The following PDCD1LG2 variants were observed in gnomAD, a reference collection of about 807,000 sequenced individuals.
PDCD1LG2 encodes the protein B7 dendritic cell molecule.
PDCD1LG2 carries 32 observed loss-of-function variants against 28.2 expected under a neutral mutation model. The ratio of observed to expected loss-of-function variants is 1.13; its 90% CI spans 0.86 to 1.52. The LOEUF (loss-of-function observed/expected upper bound fraction) is 1.52. PDCD1LG2 is among the 40% of genes most tolerant of loss of function. PDCD1LG2 has a pLI of 0.00. For missense variants in PDCD1LG2, 385 were observed against 323.8 expected (o/e 1.19, Z -1.45); for synonymous variants, 116 against 120.2 (o/e 0.97, Z 0.23).
intron 5 of PDCD1LG2, among the ~76,000 whole-genome samples, chr9:5,562,242 T>A (rs762964720): frequency 6.6e-6 from 1 of 151,980 alleles, no homozygotes; most frequent in Non-Finnish European, 1.5e-5. Flanking sequence ...CAACCTAAGA[T>A]CCCATTGACG....
At chr9:5,516,121 G>A (rs986072349) in intron 1 of PDCD1LG2, among the ~76,000 whole-genome samples, 1 of 151,518 alleles carries the variant, frequency 6.6e-6, no homozygotes, top group Non-Finnish European at 1.5e-5. Context: ...GCGCAATCTC[G>A]GCTCACTGCA....
At position 5,524,419 on chromosome 9, in the gene PDCD1LG2, A is replaced by AT. The variant is rs536659068; in HGVS notation, c.55+1820dup. On this transcript the variant is annotated intron_variant, in intron 2 of 6. Transcript: ENST00000397747. ...TATGTGTAATGAATTATGTTGCTGA[A>AT]TTAACTGAAAGGAAAGTAAAAATGT... Among the ~76,000 whole-genome samples, 19 of 152,356 alleles carry AT rather than the reference A, an allele frequency of 1.2e-4. No individual in the cohort carries two copies. The East Asian group carries it at 3.5e-3, about 28-fold the overall frequency.
intron 4 of PDCD1LG2, among the ~76,000 whole-genome samples, chr9:5,552,980 G>C (rs1054343445): frequency 1.3e-5 from 2 of 152,122 alleles, no homozygotes; most frequent in Admixed American, 1.3e-4. Flanking sequence ...GGTGGTTCTT[G>C]TCTGTAATCC....
chr9:5,553,486 T>A (rs1334123913), intron 4 of PDCD1LG2, among the ~76,000 whole-genome samples: 1 of 152,230 alleles, frequency 6.6e-6, no homozygotes, highest in African/African-American at 2.4e-5. Flanking sequence ...GCTTCTTATA[T>A]AAGAACCTCT....
chr9:5,533,391 C>T (rs1022321628), intron 2 of PDCD1LG2, among the ~76,000 whole-genome samples: 5 of 152,094 alleles, frequency 3.3e-5, no homozygotes, highest in African/African-American at 9.7e-5. Flanking sequence ...AAGCCACATA[C>T]CCCTGTGGTA....
chr9:5,529,315 T>C (rs1820438194), intron 2 of PDCD1LG2, among the ~76,000 whole-genome samples: 1 of 152,336 alleles, frequency 6.6e-6, no homozygotes, highest in Middle Eastern at 3.4e-3. Context: ...TAATCCATTT[T>C]AATTTTTATA....
intron 2 of PDCD1LG2, among the ~76,000 whole-genome samples, chr9:5,532,868 A>G (rs1289457676): frequency 6.6e-6 from 1 of 152,226 alleles, no homozygotes; most frequent in Non-Finnish European, 1.5e-5. Context: ...GGCACTTCAC[A>G]TGTAACACCT....
intron 5 of PDCD1LG2, 38 bp from the exon 6 acceptor site, chr9:5,563,124 A>C (rs781446790): frequency 6.6e-6 from 10 of 1,509,482 alleles, no homozygotes; most frequent in Non-Finnish European, 8.3e-6. Context: ...CAGTTTTCTC[A>C]TTAATCTTAT....
chr9:5,561,968 A>T (rs889415370), intron 5 of PDCD1LG2, among the ~76,000 whole-genome samples: 4 of 152,232 alleles, frequency 2.6e-5, no homozygotes, highest in African/African-American at 9.6e-5. Flanking sequence ...GGCTCCTTTC[A>T]AATGCAAACC....
At chr9:5,535,222 A>G (rs1439770866) in intron 3 of PDCD1LG2, among the ~76,000 whole-genome samples, 172 bp downstream of exon 3, 2 of 152,228 alleles carry the variant, frequency 1.3e-5, no homozygotes, top group Non-Finnish European at 2.9e-5. Flanking sequence ...TTGACATCTG[A>G]GTACAAAGCA....
chr9:5,560,630 T>A (rs1816539730), intron 5 of PDCD1LG2, among the ~76,000 whole-genome samples: 1 of 151,428 alleles, frequency 6.6e-6, no homozygotes, highest in Admixed American at 6.6e-5. Context: ...GGCCCTCATG[T>A]TGAGCCTGGG....
At chr9:5,513,184 T>C (rs183365429) in intron 1 of PDCD1LG2, among the ~76,000 whole-genome samples, 2 of 152,378 alleles carry the variant, frequency 1.3e-5, no homozygotes, top group Admixed American at 1.3e-4. Flanking sequence ...CATTAAGCTC[T>C]TGACATTCTC....
At chr9:5,532,604 T>C (rs1820503738) in intron 2 of PDCD1LG2, among the ~76,000 whole-genome samples, 1 of 152,176 alleles carries the variant, frequency 6.6e-6, no homozygotes, top group Admixed American at 6.5e-5. Flanking sequence ...CTTCAAAGAT[T>C]TGCAGGATAG....
At chr9:5,517,232 G>A (rs1820184521) in intron 1 of PDCD1LG2, among the ~76,000 whole-genome samples, 1 of 152,220 alleles carries the variant, frequency 6.6e-6, no homozygotes, top group African/African-American at 2.4e-5. Flanking sequence ...GACAGTCTCA[G>A]GAGAAAAAAC....
chr9:5,538,574 G>A (rs542485594), intron 3 of PDCD1LG2, among the ~76,000 whole-genome samples: 2 of 152,106 alleles, frequency 1.3e-5, no homozygotes, highest in Non-Finnish European at 2.9e-5. Flanking sequence ...TGTAGTCCCA[G>A]CTACTGGGGA....
Position 5,557,643 on chromosome 9 carries a change from A to C in PDCD1LG2, c.657A>C (p.Pro219=), listed in dbSNP as rs952011034. 6.2e-7 allele frequency: 1 copy of C among 1,614,038 alleles called. No homozygotes were observed. Among genetic ancestry groups the C allele is most frequent in the Non-Finnish European group, 8.5e-7 (1 of 1,179,896 alleles). The change falls in exon 5 of 7, where the codon CCA becomes CCC. Residue 219 remains proline (P), a synonymous_variant. Transcript: ENST00000397747. ...GTCAGATGGAACCCAGGACCCATCCAACTTGGCTGCTTCACATTTTCATCC... is the reference window on the plus strand; with the variant it reads ...GTCAGATGGAACCCAGGACCCATCCCACTTGGCTGCTTCACATTTTCATCC... The part of the protein sequence containing the change: ...LQSQMEPRTH[P]TWLLHIFIPF...
At chr9:5,518,715 T>C (rs1820215838) in intron 1 of PDCD1LG2, among the ~76,000 whole-genome samples, 1 of 152,200 alleles carries the variant, frequency 6.6e-6, no homozygotes, top group Non-Finnish European at 1.5e-5. Context: ...CTGACTCATT[T>C]CTCTTCTCCT....
At chr9:5,516,894 G>A (rs1329574841) in intron 1 of PDCD1LG2, among the ~76,000 whole-genome samples, 1 of 152,200 alleles carries the variant, frequency 6.6e-6, no homozygotes, top group East Asian at 1.9e-4. Context: ...GCCCCTGAGA[G>A]TACAGAGATG....
intron 1 of PDCD1LG2, among the ~76,000 whole-genome samples, chr9:5,517,460 A>C (rs976029922): frequency 2.0e-5 from 3 of 152,172 alleles, no homozygotes; most frequent in African/African-American, 7.2e-5. Context: ...ACTCTCGGGG[A>C]GAAGGATGGG....
Sources: gnomAD v4.1 joint callset for allele counts (sites outside exome capture counted in the v4.1 genomes callset) on GRCh38, gnomAD v4.1.1 for gene constraint, MANE v1.5 for transcripts, NCBI Gene and HGNC (gene_info 2026-07-23, HGNC 2026-07-21) for gene names.